Variants in CHUK observed in about 807,000 individuals in gnomAD.
The protein encoded by CHUK is inhibitor of nuclear factor kappa-B kinase subunit alpha.
In CHUK, 35 loss-of-function variants were observed where a neutral mutation model predicts 104.8. The observed-to-expected ratio is 0.33, with a 90% confidence interval of 0.26 to 0.44. The LOEUF is 0.44. Among genes scored for constraint, CHUK ranks in the 20% least tolerant of loss-of-function variants. CHUK has a pLI of 1.00. For missense variants in CHUK, 663 were observed against 902.7 expected (o/e 0.73, Z 3.40); for synonymous variants, 276 against 291.9 (o/e 0.95, Z 0.56).
intron 13 of CHUK, among the ~76,000 whole-genome samples, chr10:100,202,494 T>G (rs189105432): frequency 9.2e-5 from 14 of 152,292 alleles, no homozygotes; most frequent in Admixed American, 4.6e-4. Flanking sequence ...AGCCAAGGAA[T>G]GCCAATGATG....
At chr10:100,229,004 C>T (rs1286847652) in intron 1 of CHUK, among the ~76,000 whole-genome samples, 11 of 149,872 alleles carry the variant, frequency 7.3e-5, no homozygotes, top group African/African-American at 2.8e-4. Flanking sequence ...CACACACACA[C>T]ACACACACAC....
intron 8 of CHUK, among the ~76,000 whole-genome samples, chr10:100,218,335 G>C (rs961106390): frequency 1.3e-5 from 2 of 152,132 alleles, no homozygotes; most frequent in Admixed American, 6.5e-5. Flanking sequence ...ACATATGTTA[G>C]TTACTGACAA....
At chr10:100,195,115 G>A (rs552635892) in intron 16 of CHUK, 1 of 152,358 alleles carries the variant, frequency 6.6e-6, no homozygotes, top group Admixed American at 6.5e-5. Flanking sequence ...ACCCTCAAAT[G>A]GGATGGCTGT....
At chr10:100,200,888 C>G in intron 14 of CHUK, 108 bp from the exon 15 acceptor site, 1 of 723,164 alleles carries the variant, frequency 1.4e-6, no homozygotes, top group Non-Finnish European at 2.5e-6. Context: ...CATTAGAGAA[C>G]TAAATAATAT....
chr10:100,224,485 G>A (rs2134251128), intron 2 of CHUK, among the ~76,000 whole-genome samples: 1 of 152,304 alleles, frequency 6.6e-6, no homozygotes. Context: ...CGCCCAGGCT[G>A]GAGTGCAGTG....
chr10:100,188,168 T>C (rs920840615), downstream of CHUK: 1 of 152,214 alleles, frequency 6.6e-6, no homozygotes, highest in Non-Finnish European at 1.5e-5. Flanking sequence ...ATGTAGATAG[T>C]GGTGATAGGA....
intron 2 of CHUK, among the ~76,000 whole-genome samples, chr10:100,223,670 T>C (rs1031159023): frequency 2.0e-5 from 3 of 152,144 alleles, no homozygotes; most frequent in East Asian, 1.9e-4. Context: ...ATGTAGGACC[T>C]GATAATTTAT....
At chr10:100,204,954 A>C in intron 12 of CHUK, 122 bp downstream of exon 12, 1 of 1,119,262 alleles carries the variant, frequency 8.9e-7, no homozygotes, top group Non-Finnish European at 1.3e-6. Context: ...AGAACATTAC[A>C]CTTCAAATTG....
rs764267567 is a variant in CHUK at position 100,204,525 on chromosome 10, C to A, written c.1488G>T (p.Glu496Asp). The A allele has an allele frequency of 6.2e-6, 10 of 1,613,492 alleles. No homozygotes were observed. Among genetic ancestry groups the A allele is most frequent in the Non-Finnish European group, 8.5e-6 (10 of 1,179,694 alleles). ...SIQLDLERYS[E>D]QMTYGISSEK... Reference sequence around the variant, plus strand: ...ACTTACATATCCCATACGTCATCTGCTCGCTGTATCTCTCCAAGTCAAGCT... The same window carrying A: ...ACTTACATATCCCATACGTCATCTGATCGCTGTATCTCTCCAAGTCAAGCT... Residue 496 changes from glutamate to aspartate, a missense_variant, in exon 13 of 21, where the codon GAG (glutamate) becomes GAT (aspartate). Coordinates refer to ENST00000370397, the MANE Select transcript of CHUK (RefSeq NM_001278.5).
chr10:100,225,813 A>G (rs1846091854), intron 2 of CHUK, 110 bp downstream of exon 2: 2 of 702,574 alleles, frequency 2.8e-6, no homozygotes, highest in Non-Finnish European at 5.2e-6. Context: ...AGAAAAAAAT[A>G]TATGTTCCCA....
At chr10:100,191,621 A>G (rs1436460147) in intron 19 of CHUK, among the ~76,000 whole-genome samples, 1 of 152,166 alleles carries the variant, frequency 6.6e-6, no homozygotes, top group African/African-American at 2.4e-5. Flanking sequence ...TTCCTCTTCT[A>G]TATGGCCTCT....
intron 19 of CHUK, chr10:100,192,668 T>G (rs554763532): frequency 6.1e-6 from 6 of 986,666 alleles, no homozygotes; most frequent in Admixed American, 1.2e-4. Context: ...AAAGAGCCAC[T>G]GGCTTTGGAT....
chr10:100,193,026 A>G, intron 19 of CHUK: 1 of 456,314 alleles, frequency 2.2e-6, no homozygotes, highest in Non-Finnish European at 4.0e-6. Flanking sequence ...TGAGCTAATA[A>G]TACGCAACAT....
chr10:100,193,030 G>A (rs559162356), intron 19 of CHUK: 30 of 454,132 alleles, frequency 6.6e-5, no homozygotes, highest in South Asian at 2.3e-4. Context: ...CTAATAATAC[G>A]CAACATTTGC....
In CHUK at chr10:100,204,422, C is replaced by T; in HGVS notation, c.1507+84G>A. 3.6e-6 allele frequency: 4 copies of T among 1,097,164 alleles called. No homozygotes were observed. The South Asian group carries it at 5.0e-5, about 14-fold the overall frequency. 68.0% of individuals were successfully genotyped at this position (1,097,164 alleles called of 1,614,324 possible). A position where few individuals can be genotyped will look rare whatever the true frequency, so the allele number is the denominator to read the frequency against. ...TGTTCTAATGTGAAGGTAAGTAAAACAACTGGCTGAGTTAAGAAGGCAAAA... is the reference window on the plus strand; with the variant it reads ...TGTTCTAATGTGAAGGTAAGTAAAATAACTGGCTGAGTTAAGAAGGCAAAA... On this transcript the variant is annotated intron_variant, in intron 13 of 20. Transcript: ENST00000370397.
intron 9 of CHUK, among the ~76,000 whole-genome samples, chr10:100,212,377 G>A (rs1024067960): frequency 2.0e-5 from 3 of 152,046 alleles, no homozygotes; most frequent in African/African-American, 4.8e-5. Flanking sequence ...GATTTGCATC[G>A]CCCTGATGCT....
In CHUK at chr10:100,198,629, T is replaced by G. The variant is rs112510428; in HGVS notation, c.1729+1342A>C. On this transcript the variant is annotated intron_variant, in intron 16 of 20. Transcript: ENST00000370397. ...CTCTCTGACAAAGTTTCAAGGATTC[T>G]CACAGGTCCATATGCCACATTTTGA... Among the ~76,000 whole-genome samples, 10 of 152,338 alleles carry G rather than the reference T, an allele frequency of 6.6e-5. 1 individual carries two copies. Among genetic ancestry groups the G allele is most frequent in the African/African-American group, 2.2e-4 (9 of 41,588 alleles).
intron 1 of CHUK, among the ~76,000 whole-genome samples, chr10:100,228,104 A>AC (rs1332285507): frequency 6.6e-6 from 1 of 152,244 alleles, no homozygotes; most frequent in Non-Finnish European, 1.5e-5. Context: ...TGGGTCAGGT[A>AC]CCGTATTTAG....
At chr10:100,197,939 A>G (rs979009385) in intron 16 of CHUK, among the ~76,000 whole-genome samples, 3 of 152,232 alleles carry the variant, frequency 2.0e-5, no homozygotes, top group Non-Finnish European at 4.4e-5. Flanking sequence ...CATTTTTGCA[A>G]ACCTTTCTGA....
Sources: allele counts gnomAD v4.1 joint callset (sites outside exome capture counted in the v4.1 genomes callset), GRCh38; gene constraint gnomAD v4.1.1; transcripts MANE v1.5; gene names NCBI Gene and HGNC (gene_info 2026-07-23, HGNC 2026-07-21).